ZC3H12B: variants seen among roughly 807,000 people sequenced by gnomAD.
The protein encoded by ZC3H12B is probable ribonuclease ZC3H12B.
In ZC3H12B, 7 loss-of-function variants were observed where a neutral mutation model predicts 43.9. That is an observed-to-expected ratio of 0.16 (90% CI 0.09 to 0.30). The LOEUF (loss-of-function observed/expected upper bound fraction) is 0.30. Ranked by LOEUF, ZC3H12B falls within the 10% of genes least tolerant of loss-of-function variation. The pLI is 1.00. For synonymous variants in ZC3H12B, 222 were observed against 241.7 expected (o/e 0.92, Z 0.76); for missense variants, 475 against 670.2 (o/e 0.71, Z 3.22).
chrX:65,362,876 C>T (rs769565609), upstream of ZC3H12B, among the ~76,000 whole-genome samples: 60 of 111,420 alleles, frequency 5.4e-4, no homozygotes, highest in African/African-American at 1.8e-3. Context: ...CTTGCCTATC[C>T]ACCCCGTGGT....
At chrX:65,361,767 A>C (rs1187056608), upstream of ZC3H12B, among the ~76,000 whole-genome samples, 1 of 110,746 alleles carries the variant, frequency 9.0e-6, no homozygotes, top group Non-Finnish European at 1.9e-5. Flanking sequence ...CAAAAATTAG[A>C]TTCCAGCCCT....
intron 3 of ZC3H12B, among the ~76,000 whole-genome samples, chrX:65,428,218 A>G (rs2067108180): frequency 9.0e-6 from 1 of 111,724 alleles, no homozygotes; most frequent in South Asian, 3.8e-4. Context: ...CAACCTTGGA[A>G]AATCTGACAA....
the ZC3H12B span, among the ~76,000 whole-genome samples, chrX:65,159,150 G>A: frequency 1.7e-4 from 19 of 111,946 alleles, no homozygotes; most frequent in South Asian, 3.7e-4. Flanking sequence ...TTTGGTACCA[G>A]TACCATGCTG....
At chrX:65,154,773 A>C in the ZC3H12B span, among the ~76,000 whole-genome samples, 3 of 111,527 alleles carry the variant, frequency 2.7e-5, no homozygotes, top group African/African-American at 9.8e-5. Flanking sequence ...TCAGCCTAGA[A>C]GGTTGAGGCT....
At chrX:65,292,558 C>T in the ZC3H12B span, among the ~76,000 whole-genome samples, 1 of 110,721 alleles carries the variant, frequency 9.0e-6, no homozygotes, top group East Asian at 2.8e-4. Context: ...GTGCAACAAG[C>T]AAACTACTCT....
At chrX:65,379,240 C>T (rs1323193277) in intron 2 of ZC3H12B, among the ~76,000 whole-genome samples, 1 of 111,724 alleles carries the variant, frequency 9.0e-6, no homozygotes, top group Non-Finnish European at 1.9e-5. Context: ...GTGGTTCTCC[C>T]AGCACGCAGC....
chrX:65,075,511 C>T, the ZC3H12B span, among the ~76,000 whole-genome samples: 2 of 111,891 alleles, frequency 1.8e-5, no homozygotes, highest in South Asian at 7.4e-4. Flanking sequence ...GTCCTGTCTG[C>T]CTTCTGAGAG....
At chrX:65,067,619 T>C in the ZC3H12B span, among the ~76,000 whole-genome samples, 1 of 112,023 alleles carries the variant, frequency 8.9e-6, no homozygotes, top group Non-Finnish European at 1.9e-5. Flanking sequence ...TCTGATTTTA[T>C]TTATTTGTAT....
At chrX:65,456,346 A>G (rs753528293) in intron 3 of ZC3H12B, among the ~76,000 whole-genome samples, 6 of 108,631 alleles carry the variant, frequency 5.5e-5, no homozygotes, top group African/African-American at 2.0e-4. Flanking sequence ...GATAAAACAG[A>G]CTTTAAACCA....
chrX:65,421,014 G>T (rs1475700046), intron 3 of ZC3H12B, among the ~76,000 whole-genome samples: 1 of 112,025 alleles, frequency 8.9e-6, no homozygotes, highest in Non-Finnish European at 1.9e-5. Flanking sequence ...CTATCTTAGG[G>T]GTATATCAAC....
At chrX:65,128,289 A>G in the ZC3H12B span, among the ~76,000 whole-genome samples, 1 of 112,034 alleles carries the variant, frequency 8.9e-6, no homozygotes, top group Non-Finnish European at 1.9e-5. Flanking sequence ...AGTTCAATAT[A>G]TTTTATTTCT....
chrX:65,131,798 G>A, the ZC3H12B span, among the ~76,000 whole-genome samples: 1,278 of 111,535 alleles, frequency 0.011, 7 homozygotes, highest in South Asian at 0.035. Flanking sequence ...GGTAGGTAAC[G>A]GATGGAGAAG....
chrX:65,156,758 C>A, the ZC3H12B span, among the ~76,000 whole-genome samples: 11 of 110,454 alleles, frequency 1.0e-4, no homozygotes, highest in Non-Finnish European at 2.1e-4. Flanking sequence ...TCAAGCAATC[C>A]TCCCACCTCA....
At chrX:65,219,681 G>C in the ZC3H12B span, among the ~76,000 whole-genome samples, 2 of 111,047 alleles carry the variant, frequency 1.8e-5, no homozygotes, top group Non-Finnish European at 3.8e-5. Flanking sequence ...AAGAATAATT[G>C]GTGTTCCAGA....
the ZC3H12B span, among the ~76,000 whole-genome samples, chrX:65,080,893 A>G: frequency 9.0e-6 from 1 of 111,698 alleles, no homozygotes; most frequent in Non-Finnish European, 1.9e-5. Flanking sequence ...TAAATGATGA[A>G]TCAATCATAA....
At chrX:65,174,292 C>T in the ZC3H12B span, among the ~76,000 whole-genome samples, 744 of 112,106 alleles carry the variant, frequency 6.6e-3, 9 homozygotes, top group African/African-American at 0.023. Flanking sequence ...GAAGAATACT[C>T]CTTGTTTTTC....
the ZC3H12B span, among the ~76,000 whole-genome samples, chrX:65,247,673 T>C: frequency 8.9e-6 from 1 of 111,786 alleles, no homozygotes; most frequent in Non-Finnish European, 1.9e-5. Flanking sequence ...CACTTATAAG[T>C]GGGGGCAGAA....
At chrX:65,235,963 C>G in the ZC3H12B span, among the ~76,000 whole-genome samples, 1 of 111,948 alleles carries the variant, frequency 8.9e-6, no homozygotes, top group African/African-American at 3.2e-5. Flanking sequence ...AAGGAAAGCT[C>G]TCAGCTCTGA....
intron 3 of ZC3H12B, among the ~76,000 whole-genome samples, chrX:65,454,438 G>A (rs1310742337): frequency 8.9e-6 from 1 of 112,106 alleles, no homozygotes; most frequent in Non-Finnish European, 1.9e-5. Flanking sequence ...GGGGAGGGGC[G>A]CCCACCATTG....
Sources: allele counts gnomAD v4.1 joint callset (sites outside exome capture counted in the v4.1 genomes callset), GRCh38; gene constraint gnomAD v4.1.1; transcripts MANE v1.5; gene names NCBI Gene and HGNC (gene_info 2026-07-23, HGNC 2026-07-21).